Variants in IL2RB observed in about 807,000 individuals in gnomAD.
IL2RB encodes the protein interleukin-2 receptor subunit beta.
Under a neutral mutation model 44.2 loss-of-function variants are expected in IL2RB, and 17 were observed. That is an observed-to-expected ratio of 0.38 (90% CI 0.26 to 0.58). The LOEUF (loss-of-function observed/expected upper bound fraction) is 0.58. Among genes scored for constraint, IL2RB ranks in the 20% least tolerant of loss-of-function variants. The probability of loss-of-function intolerance (pLI) is 0.63; values close to 1 mark genes in which losing one functional copy is unlikely to be tolerated. For synonymous variants in IL2RB, 286 were observed against 297.9 expected, an observed-to-expected ratio of 0.96 and a Z score of 0.41; for missense variants, 624 against 685.5, an observed-to-expected ratio of 0.91 and a Z score of 1.00.
intron 6 of IL2RB, 149 bp from the exon 7 acceptor site, chr22:37,136,542 C>A: frequency 2.5e-6 from 2 of 806,414 alleles, no homozygotes; most frequent in Non-Finnish European, 3.8e-6. Flanking sequence ...GTTGCTGGGG[C>A]CTCAAACCCC....
chr22:37,150,589 A>G (rs1339676263), upstream of IL2RB, among the ~76,000 whole-genome samples: 1 of 152,122 alleles, frequency 6.6e-6, no homozygotes, highest in African/African-American at 2.4e-5. Flanking sequence ...TTAAAATCCA[A>G]GTATACTCTT....
intron 1 of IL2RB, among the ~76,000 whole-genome samples, chr22:37,167,820 AG>A: frequency 6.6e-6 from 1 of 152,326 alleles, no homozygotes; most frequent in East Asian, 1.9e-4. Flanking sequence ...AGCTTCTCTG[AG>A]CCTAAAGCTT....
At chr22:37,144,472 G>C (rs963968826) in intron 1 of IL2RB, among the ~76,000 whole-genome samples, 1 of 152,188 alleles carries the variant, frequency 6.6e-6, no homozygotes, top group African/African-American at 2.4e-5. Flanking sequence ...GTGGCCAGGC[G>C]TGTGGCTCAT....
chr22:37,138,717 G>A (rs1921820316), intron 5 of IL2RB, among the ~76,000 whole-genome samples: 2 of 152,142 alleles, frequency 1.3e-5, no homozygotes, highest in Non-Finnish European at 2.9e-5. Flanking sequence ...GGGGAGTCTA[G>A]GAAGGCCTCC....
chr22:37,142,059 C>T (rs1001724577), intron 4 of IL2RB, among the ~76,000 whole-genome samples: 1 of 152,166 alleles, frequency 6.6e-6, no homozygotes, highest in Non-Finnish European at 1.5e-5. Flanking sequence ...CTTCACCCCC[C>T]ACACTGCACT....
At chr22:37,134,329 G>C (rs1921582461) in intron 8 of IL2RB, among the ~76,000 whole-genome samples, 1 of 152,164 alleles carries the variant, frequency 6.6e-6, no homozygotes, top group African/African-American at 2.4e-5. Flanking sequence ...TTGAGGCCGG[G>C]CGTGGGGGCT....
intron 1 of IL2RB, among the ~76,000 whole-genome samples, chr22:37,174,679 T>C (rs1245735472): frequency 6.6e-6 from 1 of 152,214 alleles, no homozygotes; most frequent in Non-Finnish European, 1.5e-5. Context: ...AACGCTGTTC[T>C]CCCACCTCCT....
intron 1 of IL2RB, among the ~76,000 whole-genome samples, chr22:37,164,144 A>C (rs1922980672): frequency 6.6e-6 from 1 of 152,184 alleles, no homozygotes; most frequent in Admixed American, 6.5e-5. Flanking sequence ...TCAGCCATGT[A>C]GCCTGTCAAC....
rs1427325730 is a variant in IL2RB, at chr22:37,141,276, G to A, written c.282+1158C>T. ...AGGTGATCTTGCAAGCAGGGAGCAC[G>A]CAGGAGACCCACCCTCCCGGGCACA... On this transcript the variant is annotated intron_variant, in intron 4 of 9. Coordinates refer to ENST00000216223, the MANE Select transcript of IL2RB (RefSeq NM_000878.5). The surrounding 1 kb of genome is among the most constrained non-coding windows in gnomAD (Gnocchi z 4.4). Among the ~76,000 whole-genome samples the A allele has an allele frequency of 4.6e-5, 7 of 152,238 alleles. No individual in the cohort carries two copies. Among genetic ancestry groups the A allele is most frequent in the South Asian group, 2.1e-4 (1 of 4,816 alleles).
intron 1 of IL2RB, among the ~76,000 whole-genome samples, chr22:37,156,906 G>T (rs1922698328): frequency 6.6e-6 from 1 of 152,158 alleles, no homozygotes; most frequent in Non-Finnish European, 1.5e-5. Context: ...TCAAGTCCTT[G>T]TGTTCCGCCC....
In IL2RB at chr22:37,143,560, T is replaced by G. The variant is rs1016769370; in HGVS notation, c.164A>C (p.Gln55Pro). 14 of 1,613,994 alleles carry G rather than the reference T, an allele frequency of 8.7e-6. No individual in the cohort carries two copies. The highest frequency in any genetic ancestry group is 1.2e-5 in the Non-Finnish European group (14 of 1,179,988). Residue 55 changes from glutamine (Q) to proline (P), a missense_variant, in exon 3 of 10, where the codon CAG becomes CCG. Gln to Pro is a moderately conservative substitution (Grantham distance 76). This residue lies in a region of IL2RB where 78 missense variants were observed against 70.0 expected (regional missense o/e 1.11). Transcript: ENST00000216223. ...GGCATGGACTTGGCAGGAAGTGTCC[T>G]GCAGAGCCCCATCTTGGCTCCAGAC... Reference protein sequence around the residue: ...SCVWSQDGALQDTSCQVHAWP... With the variant: ...SCVWSQDGALPDTSCQVHAWP...
chr22:37,136,464 G>C, intron 6 of IL2RB, 71 bp from the exon 7 acceptor site: 2 of 1,404,156 alleles, frequency 1.4e-6, no homozygotes, highest in Non-Finnish European at 1.9e-6. Flanking sequence ...GAGCATCACA[G>C]AACCCCCCCC....
In IL2RB at chr22:37,127,854, G is replaced by A. The variant is rs1921200651; in HGVS notation, c.*242C>T. 8 of 382,876 alleles carry A rather than the reference G, an allele frequency of 2.1e-5. No homozygotes were observed. The allele number at this position is 382,876 out of a possible 1,614,324, so 23.7% of individuals were successfully genotyped here. A position where few individuals can be genotyped will look rare whatever the true frequency, so the allele number is the denominator to read the frequency against. ...CTGTGATTAACGAGGGAGTTGGGGAGTTACTGCCCCCCTGCAACACACACA... is the reference window on the plus strand; with the variant it reads ...CTGTGATTAACGAGGGAGTTGGGGAATTACTGCCCCCCTGCAACACACACA... On this transcript the variant is annotated 3_prime_UTR_variant, in exon 10 of 10. Transcript: ENST00000216223.
intron 3 of IL2RB, among the ~76,000 whole-genome samples, chr22:37,143,002 C>T (rs1922042754): frequency 6.6e-6 from 1 of 152,034 alleles, no homozygotes; most frequent in African/African-American, 2.4e-5. Context: ...CTCCCTGACC[C>T]CATCAAGCCT....
chr22:37,146,700 G>T (rs957457556), intron 1 of IL2RB, among the ~76,000 whole-genome samples: 1 of 152,170 alleles, frequency 6.6e-6, no homozygotes, highest in Non-Finnish European at 1.5e-5. Context: ...CGTTGACCAG[G>T]GGCTGGCCCA....
At chr22:37,148,379 G>A (rs1922330318) in intron 1 of IL2RB, among the ~76,000 whole-genome samples, 3 of 152,180 alleles carry the variant, frequency 2.0e-5, no homozygotes, top group Admixed American at 2.0e-4. Context: ...AGCCTCGGGT[G>A]ACAGCAAGTG....
At chr22:37,165,996 G>A (rs1923064505) in intron 1 of IL2RB, among the ~76,000 whole-genome samples, 1 of 152,208 alleles carries the variant, frequency 6.6e-6, no homozygotes, top group Non-Finnish European at 1.5e-5. Context: ...GTGTGTCTTT[G>A]CCACAGGTGT....
intron 1 of IL2RB, among the ~76,000 whole-genome samples, chr22:37,158,413 C>T (rs149095127): frequency 6.6e-5 from 10 of 152,256 alleles, no homozygotes; most frequent in African/African-American, 1.9e-4. Flanking sequence ...AAAAATTAGC[C>T]GGGCGTGGTG....
At chr22:37,175,029 T>G (rs1183573855) in exon 1 of IL2RB, 1 of 152,326 alleles carries the variant, frequency 6.6e-6, no homozygotes, top group East Asian at 1.9e-4. Context: ...GCAAGGCACC[T>G]TCACATGCTG....
Sources: allele counts gnomAD v4.1 joint callset (sites outside exome capture counted in the v4.1 genomes callset), GRCh38; gene constraint gnomAD v4.1.1; regional missense constraint gnomAD v4.1.1; non-coding constraint Gnocchi (gnomAD v3.1); transcripts MANE v1.5; gene names NCBI Gene and HGNC (gene_info 2026-07-23, HGNC 2026-07-21).